Variants in MAP1B observed in about 807,000 individuals in gnomAD.
The protein encoded by MAP1B is microtubule-associated protein 1B.
MAP1B carries 12 observed loss-of-function variants against 176.1 expected under a neutral mutation model. The observed-to-expected ratio is 0.07, with a 90% CI of 0.04 to 0.11. MAP1B has a LOEUF of 0.11. Among genes scored for constraint, MAP1B ranks in the 10% least tolerant of loss-of-function variants. MAP1B has a pLI of 1.00. For synonymous variants in MAP1B, 1,044 were observed against 1,135.0 expected (o/e 0.92, Z 1.61); for missense variants, 2,523 against 2,990.5 (o/e 0.84, Z 3.65).
At chr5:72,176,233 G>A (rs1317593986) in intron 2 of MAP1B, among the ~76,000 whole-genome samples, 1 of 152,186 alleles carries the variant, frequency 6.6e-6, no homozygotes, top group Non-Finnish European at 1.5e-5. Context: ...ACACACTTAG[G>A]CAATTCAGCA....
At chr5:72,203,461 G>A in intron 5 of MAP1B, 102 bp from the exon 6 acceptor site, 1 of 839,136 alleles carries the variant, frequency 1.2e-6, no homozygotes, top group Non-Finnish European at 2.0e-6. Context: ...GGACCTACTT[G>A]TGATTGAATA....
Position 72,195,453 on chromosome 5 carries a change from G to T in MAP1B, c.2098G>T (p.Val700Phe), listed in dbSNP as rs1000280680. 9.5e-6 allele frequency: 15 copies of T among 1,581,948 alleles called. No individual in the cohort carries two copies. The highest frequency in any genetic ancestry group is 1.1e-5 in the Non-Finnish European group (13 of 1,167,388). The change falls in exon 5 of 7, where the codon GTT (valine) becomes TTT (phenylalanine). Residue 700 changes from valine to phenylalanine, a missense_variant. Transcript: ENST00000296755. ...AGAGAAAAAAGAACCCAAGAAAGAG[G>T]TTAAGAAAGAAACACCGCCAAAGGA... is the stretch of plus-strand genomic sequence containing the variant. ...KEEKKEPKKE[V>F]KKETPPKEVK...
chr5:72,111,168 C>T (rs987773126), intron 1 of MAP1B, among the ~76,000 whole-genome samples: 6 of 152,100 alleles, frequency 3.9e-5, no homozygotes, highest in Middle Eastern at 3.2e-3. Flanking sequence ...CAGCAAAACC[C>T]TGCTTCTTGG....
chr5:72,110,418 T>C (rs1745308293), intron 1 of MAP1B, among the ~76,000 whole-genome samples: 1 of 152,256 alleles, frequency 6.6e-6, no homozygotes, highest in Non-Finnish European at 1.5e-5. Context: ...GGGTCTTGGC[T>C]GCAGCTCAAG....
intron 2 of MAP1B, among the ~76,000 whole-genome samples, chr5:72,136,846 A>G (rs1261679012): frequency 1.3e-5 from 2 of 152,200 alleles, no homozygotes; most frequent in African/African-American, 4.8e-5. Context: ...CTTAAATAAT[A>G]TGTGAATTAT....
At chr5:72,110,937 T>C (rs1435384020) in intron 1 of MAP1B, among the ~76,000 whole-genome samples, 1 of 152,240 alleles carries the variant, frequency 6.6e-6, no homozygotes, top group African/African-American at 2.4e-5. Context: ...TCCCTCTTGC[T>C]TTCTCAACTA....
At chr5:72,160,203 T>C (rs1746302348) in intron 2 of MAP1B, among the ~76,000 whole-genome samples, 1 of 134,784 alleles carries the variant, frequency 7.4e-6, no homozygotes, top group South Asian at 2.8e-4. Flanking sequence ...AGTTTTCAGC[T>C]GTATGTTGGA....
intron 3 of MAP1B, among the ~76,000 whole-genome samples, chr5:72,184,873 G>T (rs1349528433): frequency 1.3e-5 from 2 of 152,120 alleles, no homozygotes; most frequent in Non-Finnish European, 2.9e-5. Context: ...TAATTTGGTG[G>T]TTTTTAGTGT....
intron 2 of MAP1B, among the ~76,000 whole-genome samples, chr5:72,119,440 C>T (rs1048910996): frequency 2.0e-5 from 3 of 152,204 alleles, no homozygotes; most frequent in Non-Finnish European, 4.4e-5. Flanking sequence ...TGAACACTCT[C>T]TAATCTTTTA....
rs1283161326 is a variant in MAP1B, at chr5:72,200,029, T to C, written c.6674T>C (p.Leu2225Ser). The change falls in exon 5 of 7, where the codon TTG (leucine) becomes TCG (serine). Residue 2225 changes from leucine to serine, a missense_variant. By Grantham distance (145) the Leu-to-Ser change is moderately radical. Around this residue, in one of 4 missense-constraint regions of MAP1B, gnomAD observed 287 missense variants for 401.5 expected, o/e 0.71. Coordinates refer to ENST00000296755, the MANE Select transcript of MAP1B (RefSeq NM_005909.5). ...GTGTCCATGGTGGACCCAGAGGCCT[T>C]GGCCATTGAGCAGAACCTGGGCAAA... ...PDVSMVDPEALAIEQNLGKAL... is the reference protein window; with the variant it reads ...PDVSMVDPEASAIEQNLGKAL... The C allele has an allele frequency of 1.2e-6, 2 of 1,614,134 alleles. No homozygotes were observed. Among genetic ancestry groups the C allele is most frequent in the Non-Finnish European group, 1.7e-6 (2 of 1,180,020 alleles).
intron 1 of MAP1B, among the ~76,000 whole-genome samples, chr5:72,114,053 G>A (rs766406793): frequency 2.0e-5 from 3 of 152,114 alleles, no homozygotes; most frequent in Non-Finnish European, 2.9e-5. Context: ...CCTTAAGCAC[G>A]TTAACTCTTC....
chr5:72,206,803 T>A lies in MAP1B; in HGVS notation c.*1564T>A, dbSNP rs915710202. ...AGTAATGATATTTATTAAAAACCCA[T>A]AACTACCAGGAATAATGATACCTCC... On this transcript the variant is annotated 3_prime_UTR_variant, in exon 7 of 7. Transcript: ENST00000296755. 1 of 152,074 alleles carries A rather than the reference T, an allele frequency of 6.6e-6. No homozygotes were observed. The highest frequency in any genetic ancestry group is 2.4e-5 in the African/African-American group (1 of 41,392). 9.4% of individuals were successfully genotyped at this position (152,074 alleles called of 1,614,324 possible). A position where few individuals can be genotyped will look rare whatever the true frequency, so the allele number is the denominator to read the frequency against.
Position 72,197,322 on chromosome 5 carries a change from C to T in MAP1B, c.3967C>T (p.Pro1323Ser), listed in dbSNP as rs2112238960. 3 of 1,614,194 alleles carry T rather than the reference C, an allele frequency of 1.9e-6. No individual in the cohort carries two copies. Among genetic ancestry groups the T allele is most frequent in the South Asian group, 1.1e-5 (1 of 91,082 alleles). ...GGACAAGACTCTGGAAGTGGTGTCA[C>T]CATCTCAGTCCGTGACTGGCAGTGC... ...PEDKTLEVVSPSQSVTGSAGH... is the reference protein window; with the variant it reads ...PEDKTLEVVSSSQSVTGSAGH... The change falls in exon 5 of 7, where the codon CCA becomes TCA. Residue 1323 changes from proline to serine, a missense_variant. This residue lies in a region of MAP1B where 1,925 missense variants were observed against 2,126.0 expected (regional missense o/e 0.91). Coordinates refer to ENST00000296755, the MANE Select transcript of MAP1B (RefSeq NM_005909.5).
rs186924536 is a variant in MAP1B, at chr5:72,163,327, C to A, written c.287-20416C>A. Reference sequence around the variant, plus strand: ...TGAAGAGTTCTCTGACTCTAGATAGCTTTGTAAATAAGGCAGTTATGTTTC... The same window carrying A: ...TGAAGAGTTCTCTGACTCTAGATAGATTTGTAAATAAGGCAGTTATGTTTC... On this transcript the variant is annotated intron_variant, in intron 2 of 6. Coordinates refer to ENST00000296755, the MANE Select transcript of MAP1B (RefSeq NM_005909.5). Among the ~76,000 whole-genome samples the A allele has an allele frequency of 4.0e-5, 6 of 151,646 alleles. No homozygotes were observed. The East Asian group carries it at 1.2e-3, about 29-fold the overall frequency.
At position 72,108,442 on chromosome 5, in the gene MAP1B, G is replaced by T. The variant is rs1279242748; in HGVS notation, c.184+727G>T. Among the ~76,000 whole-genome samples the T allele has an allele frequency of 4.6e-5, 7 of 152,362 alleles. No individual in the cohort carries two copies. In the East Asian group the frequency reaches 1.3e-3, roughly 29 times the overall value. ...TTGCGGGGTGGGGCTGCTGCTTTTA[G>T]AAGTCCCAGCCTCGGGAGTGGTAGC... is the stretch of plus-strand genomic sequence containing the variant. On this transcript the variant is annotated intron_variant, in intron 1 of 6. Coordinates refer to ENST00000296755, the MANE Select transcript of MAP1B (RefSeq NM_005909.5).
At chr5:72,202,076 A>G (rs1009015641) in intron 5 of MAP1B, among the ~76,000 whole-genome samples, 2 of 152,228 alleles carry the variant, frequency 1.3e-5, no homozygotes, top group Non-Finnish European at 2.9e-5. Flanking sequence ...CAAAGTAATA[A>G]GTGAAAATGA....
At chr5:72,183,662 G>A (rs1238998538) in intron 2 of MAP1B, 81 bp from the exon 3 acceptor site, 31 of 969,886 alleles carry the variant, frequency 3.2e-5, no homozygotes, top group Non-Finnish European at 5.0e-5. Flanking sequence ...AAATTCCTCT[G>A]CTGTCCCAGG....
At chr5:72,178,593 G>A (rs953205342) in intron 2 of MAP1B, among the ~76,000 whole-genome samples, 1 of 152,186 alleles carries the variant, frequency 6.6e-6, no homozygotes, top group African/African-American at 2.4e-5. Flanking sequence ...CTGCCCCTCA[G>A]TCCTGGTTAC....
chr5:72,135,242 C>G (rs190526964), intron 2 of MAP1B, among the ~76,000 whole-genome samples: 119 of 152,248 alleles, frequency 7.8e-4, no homozygotes, highest in Middle Eastern at 6.8e-3. Flanking sequence ...ACTTTCTCAT[C>G]TGTCCAATGG....
Sources: gnomAD v4.1 joint callset for allele counts (sites outside exome capture counted in the v4.1 genomes callset) on GRCh38, gnomAD v4.1.1 for gene constraint, gnomAD v4.1.1 regional missense constraint, MANE v1.5 for transcripts, NCBI Gene and HGNC (gene_info 2026-07-23, HGNC 2026-07-21) for gene names.